SLIT2: variants seen among roughly 807,000 people sequenced by gnomAD.
SLIT2 encodes slit guidance ligand 2, also known as slit homolog 2 protein.
A neutral mutation model predicts 185.7 loss-of-function variants in SLIT2; 41 were observed. The ratio of observed to expected loss-of-function variants is 0.22; its 90% CI spans 0.17 to 0.29. SLIT2 has a LOEUF of 0.29. SLIT2 is among the 10% of genes least tolerant of loss of function. The probability of loss-of-function intolerance (pLI) is 1.00; values close to 1 mark genes in which losing one functional copy is unlikely to be tolerated. For synonymous variants in SLIT2, 693 were observed against 680.2 expected (o/e 1.02, Z -0.29); for missense variants, 1,571 against 1,909.0 (o/e 0.82, Z 3.30).
intron 34 of SLIT2, among the ~76,000 whole-genome samples, chr4:20,612,055 C>T (rs1304749458): frequency 6.6e-6 from 1 of 151,888 alleles, no homozygotes; most frequent in Non-Finnish European, 1.5e-5. Context: ...TTTCGAAGCC[C>T]CTTTAGAATA....
At chr4:20,277,790 C>A (rs1431844392) in intron 4 of SLIT2, among the ~76,000 whole-genome samples, 1 of 148,868 alleles carries the variant, frequency 6.7e-6, no homozygotes, top group Non-Finnish European at 1.5e-5. Flanking sequence ...CACACAAACA[C>A]AATAGGGAAG....
chr4:20,294,246 G>A (rs1716251800), intron 4 of SLIT2, among the ~76,000 whole-genome samples: 1 of 151,692 alleles, frequency 6.6e-6, no homozygotes, highest in African/African-American at 2.4e-5. Flanking sequence ...TACATCATGA[G>A]TCTGACGCAC....
At chr4:20,303,009 GTCTACA>G (rs1717198318) in intron 4 of SLIT2, among the ~76,000 whole-genome samples, 1 of 89,878 alleles carries the variant, frequency 1.1e-5, no homozygotes, top group East Asian at 1.2e-3. Flanking sequence ...TTATCCCATT[GTCTACA>G]TTACACTTAA....
At chr4:20,457,239 A>G (rs551511530) in intron 4 of SLIT2, among the ~76,000 whole-genome samples, 1 of 152,134 alleles carries the variant, frequency 6.6e-6, no homozygotes, top group Non-Finnish European at 1.5e-5. Context: ...TTCAGCTCTT[A>G]TGGGATATGT....
rs781129571 is a variant in SLIT2 at position 20,542,562 on chromosome 4, G to T, written c.2212G>T (p.Val738Phe). The T allele has an allele frequency of 6.2e-7, 1 of 1,613,764 alleles. No individual in the cohort carries two copies. Among genetic ancestry groups the T allele is most frequent in the Admixed American group, 1.7e-5 (1 of 59,992 alleles). ...PTECTCLDTV[V>F]RCSNKGLKVL... is the part of the protein sequence containing the mutation. Reference sequence around the variant, plus strand: ...TGAATGTACTTGCTTGGATACAGTCGTCCGATGTAGCAACAAGGGTTTGAA... The same window carrying T: ...TGAATGTACTTGCTTGGATACAGTCTTCCGATGTAGCAACAAGGGTTTGAA... The change falls in exon 21 of 37, where the codon GTC becomes TTC. Residue 738 changes from valine (V) to phenylalanine (F), a missense_variant. Transcript: ENST00000504154.
chr4:20,289,978 T>C (rs1715641425), intron 4 of SLIT2, among the ~76,000 whole-genome samples: 1 of 151,648 alleles, frequency 6.6e-6, no homozygotes, highest in Admixed American at 6.6e-5. Flanking sequence ...GCATATGCAG[T>C]TCCTACGATA....
intron 4 of SLIT2, among the ~76,000 whole-genome samples, chr4:20,302,985 ATCTACATTAAATCTTATCCCATTG>A (rs200564194): frequency 0.24 from 36,258 of 152,130 alleles, 5,270 homozygotes; most frequent in East Asian, 0.6. Flanking sequence ...TTATCCCATT[ATCTACATTAAATCTTATCCCATTG>A]TCTACATTAC....
At chr4:20,307,714 AG>A (rs1472167840) in intron 4 of SLIT2, among the ~76,000 whole-genome samples, 2 of 152,236 alleles carry the variant, frequency 1.3e-5, no homozygotes, top group Non-Finnish European at 2.9e-5. Flanking sequence ...AGTGTATACC[AG>A]GGACTCTAAT....
intron 4 of SLIT2, among the ~76,000 whole-genome samples, chr4:20,451,545 A>T (rs1285346128): frequency 6.6e-6 from 1 of 152,214 alleles, no homozygotes; most frequent in East Asian, 1.9e-4. Context: ...CACATAACAT[A>T]TATGTTGGAG....
intron 36 of SLIT2, 88 bp from the exon 37 acceptor site, chr4:20,618,679 GC>G: frequency 1.5e-6 from 2 of 1,347,698 alleles, no homozygotes; most frequent in Non-Finnish European, 1.0e-6. Context: ...GGAAGCAAAG[GC>G]TTCTGAATTA....
At position 20,351,126 on chromosome 4, in the gene SLIT2, G is replaced by A. The variant is rs1721837665; in HGVS notation, c.395+82245G>A. Reference sequence around the variant, plus strand: ...TGCAATGCTGCAATCTCGGCTTACTGCAACCTCCGCCTCCTGGGTTCAAGC... The same window carrying A: ...TGCAATGCTGCAATCTCGGCTTACTACAACCTCCGCCTCCTGGGTTCAAGC... On this transcript the variant is annotated intron_variant, in intron 4 of 36. Transcript: ENST00000504154. 2.0e-5 allele frequency among the ~76,000 whole-genome samples: 3 copies of A among 149,856 alleles called. No homozygotes were observed. In the South Asian group the frequency reaches 6.3e-4, roughly 32 times the overall value.
intron 4 of SLIT2, among the ~76,000 whole-genome samples, chr4:20,341,725 G>C (rs2109234047): frequency 6.6e-6 from 1 of 152,252 alleles, no homozygotes; most frequent in South Asian, 2.1e-4. Flanking sequence ...ATTATTGACA[G>C]ATACAAGTTT....
intron 30 of SLIT2, among the ~76,000 whole-genome samples, chr4:20,590,370 C>G (rs1359588953): frequency 6.6e-6 from 1 of 152,124 alleles, no homozygotes; most frequent in Non-Finnish European, 1.5e-5. Flanking sequence ...CTATGTGCTT[C>G]ATTGTCTGAA....
At chr4:20,600,099 A>C (rs188661380) in intron 33 of SLIT2, among the ~76,000 whole-genome samples, 33 of 152,320 alleles carry the variant, frequency 2.2e-4, no homozygotes, top group African/African-American at 7.5e-4. Flanking sequence ...TTCTTGCCTC[A>C]ATGTGTTTCA....
intron 5 of SLIT2, among the ~76,000 whole-genome samples, chr4:20,474,048 T>C (rs1034158343): frequency 1.3e-5 from 2 of 151,858 alleles, no homozygotes; most frequent in Non-Finnish European, 2.9e-5. Context: ...CTGCAAATGG[T>C]AGGTTGGTTT....
At position 20,619,947 on chromosome 4, in the gene SLIT2, G is replaced by A. The variant is rs1240447693; in HGVS notation, c.*938G>A. The A allele has an allele frequency of 6.9e-6, 1 of 144,758 alleles. No homozygotes were observed. Among genetic ancestry groups the A allele is most frequent in the Non-Finnish European group, 1.5e-5 (1 of 66,624 alleles). The allele number at this position is 144,758 out of a possible 1,614,324, so 9.0% of individuals were successfully genotyped here. On this transcript the variant is annotated 3_prime_UTR_variant, in exon 37 of 37. Transcript: ENST00000504154. ...TTTTTTTGGCAATAGTACTAACATA[G>A]GGTTTTATCTTGGGATACATATGTA... is the stretch of plus-strand genomic sequence containing the variant.
intron 30 of SLIT2, among the ~76,000 whole-genome samples, chr4:20,595,098 A>G (rs906023726): frequency 6.6e-6 from 1 of 152,160 alleles, no homozygotes; most frequent in Non-Finnish European, 1.5e-5. Flanking sequence ...TGAATTTTCT[A>G]TCAGTTCTTC....
intron 28 of SLIT2, 123 bp from the exon 29 acceptor site, chr4:20,568,742 A>G: frequency 1.2e-6 from 1 of 820,120 alleles, no homozygotes; most frequent in East Asian, 2.5e-5. Context: ...TTAAAAAATC[A>G]ATTTCTGGTA....
chr4:20,566,217 T>C (rs1379077792), intron 26 of SLIT2, among the ~76,000 whole-genome samples: 1 of 152,032 alleles, frequency 6.6e-6, no homozygotes, highest in Non-Finnish European at 1.5e-5. Flanking sequence ...AATGTTCAAT[T>C]AGAATTATTG....
Sources: allele counts gnomAD v4.1 joint callset (sites outside exome capture counted in the v4.1 genomes callset), GRCh38; gene constraint gnomAD v4.1.1; transcripts MANE v1.5; gene names NCBI Gene and HGNC (gene_info 2026-07-23, HGNC 2026-07-21).